GPC5: variants seen among roughly 807,000 people sequenced by gnomAD.
The protein encoded by GPC5 is glypican 5, also known as glypican-5.
A neutral mutation model predicts 53.9 loss-of-function variants in GPC5; 47 were observed. The observed-to-expected ratio is 0.87, with a 90% confidence interval of 0.69 to 1.11. The LOEUF is 1.11. Among genes scored for constraint, GPC5 ranks in the 50% most tolerant of loss-of-function variants. The probability of loss-of-function intolerance (pLI) is 0.00; values close to 1 mark genes in which losing one functional copy is unlikely to be tolerated. For synonymous variants in GPC5, 286 were observed against 263.3 expected, an observed-to-expected ratio of 1.09 and a Z score of -0.84; for missense variants, 748 against 713.1, an observed-to-expected ratio of 1.05 and a Z score of -0.56.
intron 7 of GPC5, among the ~76,000 whole-genome samples, chr13:92,283,808 C>T (rs560688397): frequency 6.6e-6 from 1 of 152,270 alleles, no homozygotes; most frequent in African/African-American, 2.4e-5. Flanking sequence ...CTAAAATTGA[C>T]ACCCTAACAT....
chr13:91,426,694 T>A (rs1879080864), intron 1 of GPC5, among the ~76,000 whole-genome samples: 2 of 152,188 alleles, frequency 1.3e-5, no homozygotes, highest in South Asian at 2.1e-4. Flanking sequence ...GCCAGAAGAC[T>A]TAGCCTGTCT....
chr13:92,300,255 A>G (rs1285074832), intron 7 of GPC5, among the ~76,000 whole-genome samples: 5 of 150,434 alleles, frequency 3.3e-5, no homozygotes, highest in Non-Finnish European at 7.4e-5. Flanking sequence ...ACACTGCACC[A>G]ATTTCTCTGA....
chr13:91,607,119 A>G (rs2033394971), intron 2 of GPC5, among the ~76,000 whole-genome samples: 1 of 152,088 alleles, frequency 6.6e-6, no homozygotes, highest in Non-Finnish European at 1.5e-5. Context: ...TATTTAGTTA[A>G]ACCTTCTGAG....
At chr13:92,796,546 A>G (rs914046166) in intron 7 of GPC5, among the ~76,000 whole-genome samples, 1 of 151,932 alleles carries the variant, frequency 6.6e-6, no homozygotes, top group East Asian at 1.9e-4. Context: ...GCATTTCTCA[A>G]TGAGGAATTC....
chr13:92,815,169 T>C (rs1396134367), intron 7 of GPC5, among the ~76,000 whole-genome samples: 2 of 151,890 alleles, frequency 1.3e-5, no homozygotes, highest in Non-Finnish European at 2.9e-5. Context: ...AAACATATAA[T>C]ACAATGCCAG....
chr13:91,684,907 C>A (rs554832901), intron 2 of GPC5, among the ~76,000 whole-genome samples: 2 of 152,298 alleles, frequency 1.3e-5, no homozygotes, highest in South Asian at 4.1e-4. Flanking sequence ...ATCACATTGA[C>A]TTTCCTCTGT....
At position 92,867,001 on chromosome 13, in the gene GPC5, A is replaced by T. The variant is rs1192684157; in HGVS notation, c.*562A>T. 1 of 152,158 alleles carries T rather than the reference A, an allele frequency of 6.6e-6. No individual in the cohort carries two copies. Among genetic ancestry groups the T allele is most frequent in the African/African-American group, 2.4e-5 (1 of 41,456 alleles). The allele number at this position is 152,158 out of a possible 1,614,324, so 9.4% of individuals were successfully genotyped here. ...GGTAGATTCTTGAGAAGCATTTCATATAATTTCACTGAAGAACCTTGATAA... is the reference window on the plus strand; with the variant it reads ...GGTAGATTCTTGAGAAGCATTTCATTTAATTTCACTGAAGAACCTTGATAA... On this transcript the variant is annotated 3_prime_UTR_variant, in exon 8 of 8. Coordinates refer to ENST00000377067, the MANE Select transcript of GPC5 (RefSeq NM_004466.6).
intron 6 of GPC5, among the ~76,000 whole-genome samples, chr13:92,120,213 C>T (rs951358978): frequency 2.4e-4 from 36 of 152,322 alleles, no homozygotes; most frequent in African/African-American, 7.5e-4. Context: ...ATAAAATTTA[C>T]TCTATGACAA....
At chr13:91,872,309 A>G (rs1459918434) in intron 5 of GPC5, among the ~76,000 whole-genome samples, 1 of 152,200 alleles carries the variant, frequency 6.6e-6, no homozygotes, top group African/African-American at 2.4e-5. Flanking sequence ...AGTACTAAGA[A>G]TTTCCACAAT....
chr13:91,763,221 G>C (rs913447122), intron 5 of GPC5, among the ~76,000 whole-genome samples: 1 of 152,164 alleles, frequency 6.6e-6, no homozygotes, highest in African/African-American at 2.4e-5. Flanking sequence ...GATGAAGGGA[G>C]ATGAATCATA....
chr13:91,501,926 A>G (rs1884660068), intron 2 of GPC5, among the ~76,000 whole-genome samples: 1 of 152,168 alleles, frequency 6.6e-6, no homozygotes, highest in Non-Finnish European at 1.5e-5. Context: ...TGACTTTGTA[A>G]TGATCGCCAT....
intron 5 of GPC5, among the ~76,000 whole-genome samples, chr13:91,847,170 G>T (rs1270382291): frequency 7.2e-6 from 1 of 139,526 alleles, no homozygotes; most frequent in Non-Finnish European, 1.5e-5. Flanking sequence ...AGTGAGCCGA[G>T]ATGGCGCCAC....
Position 92,685,547 on chromosome 13 carries a change from T to TTTTTTTTTTTAA in GPC5, c.1562-180725_1562-180724insAATTTTTTTTTT, listed in dbSNP as rs1262100506. 3.0e-3 allele frequency among the ~76,000 whole-genome samples: 289 copies of TTTTTTTTTTTAA among 97,742 alleles called. 1 individual carries two copies. The highest frequency in any genetic ancestry group is 6.6e-3 in the African/African-American group (202 of 30,752). 64.1% of individuals were successfully genotyped at this position (97,742 alleles called of 152,430 possible). On this transcript the variant is annotated intron_variant, in intron 7 of 7. Transcript: ENST00000377067. ...TTATTTATGAAAAATTATGCTCATT[T>TTTTTTTTTTTAA]TTTTTTTTTTTAATTTTTTTTTTTT...
At chr13:91,459,772 C>T (rs1052372337) in intron 2 of GPC5, among the ~76,000 whole-genome samples, 4 of 152,036 alleles carry the variant, frequency 2.6e-5, no homozygotes, top group Non-Finnish European at 4.4e-5. Context: ...TCCAGTGTCC[C>T]TCTAACTGTC....
intron 7 of GPC5, among the ~76,000 whole-genome samples, chr13:92,633,839 G>C (rs1428431830): frequency 1.3e-5 from 2 of 151,984 alleles, no homozygotes; most frequent in East Asian, 3.9e-4. Context: ...TCACCATTAA[G>C]CGTAATGTTT....
chr13:91,728,410 T>G (rs896177548), intron 3 of GPC5, 122 bp from the exon 4 acceptor site: 3 of 755,802 alleles, frequency 4.0e-6, no homozygotes, highest in Non-Finnish European at 4.1e-6. Flanking sequence ...ACATATTATA[T>G]TTAAGATTAA....
chr13:92,107,062 T>C (rs1487564870), intron 6 of GPC5, among the ~76,000 whole-genome samples: 1 of 152,162 alleles, frequency 6.6e-6, no homozygotes, highest in Non-Finnish European at 1.5e-5. Flanking sequence ...TTGGTTTAGA[T>C]ATCTTGGATT....
chr13:91,666,493 C>G (rs910334342), intron 2 of GPC5, among the ~76,000 whole-genome samples: 2 of 152,000 alleles, frequency 1.3e-5, no homozygotes, highest in Admixed American at 1.3e-4. Flanking sequence ...AGGGAATATT[C>G]TTAAATATTT....
intron 2 of GPC5, 78 bp downstream of exon 2, chr13:91,449,000 T>G (rs115024643): frequency 6.9e-7 from 1 of 1,450,534 alleles, no homozygotes; most frequent in African/African-American, 1.4e-5. Flanking sequence ...TTGGCAAACT[T>G]GGCTGGGTTT....
Sources: allele counts gnomAD v4.1 joint callset (sites outside exome capture counted in the v4.1 genomes callset), GRCh38; gene constraint gnomAD v4.1.1; transcripts MANE v1.5; gene names NCBI Gene and HGNC (gene_info 2026-07-23, HGNC 2026-07-21).